Variants in PSD3 observed in about 807,000 individuals in gnomAD.
PSD3 encodes pleckstrin and Sec7 domain containing 3.
A neutral mutation model predicts 105.5 loss-of-function variants in PSD3; 49 were observed. That is an observed-to-expected ratio of 0.46 (90% confidence interval 0.37 to 0.59). The LOEUF (loss-of-function observed/expected upper bound fraction) is 0.59. PSD3 is among the 20% of genes least tolerant of loss of function. The probability of loss-of-function intolerance (pLI) is 0.00; values close to 1 mark genes in which losing one functional copy is unlikely to be tolerated. For missense variants in PSD3, 1,561 were observed against 1,263.8 expected, an observed-to-expected ratio of 1.24 and a Z score of -3.57; for synonymous variants, 557 against 457.8, an observed-to-expected ratio of 1.22 and a Z score of -2.77.
At chr8:18,711,809 C>A (rs969531979) in intron 9 of PSD3, among the ~76,000 whole-genome samples, 1 of 152,116 alleles carries the variant, frequency 6.6e-6, no homozygotes, top group Non-Finnish European at 1.5e-5. Flanking sequence ...CCTTCCACCC[C>A]GAAACAACAG....
intron 1 of PSD3, among the ~76,000 whole-genome samples, chr8:19,044,852 G>T (rs1471108531): frequency 6.6e-6 from 1 of 152,166 alleles, no homozygotes; most frequent in Non-Finnish European, 1.5e-5. Flanking sequence ...GAAGGCTTAA[G>T]CATGTTCCAA....
intron 15 of PSD3, among the ~76,000 whole-genome samples, chr8:18,553,079 C>A (rs1356205300): frequency 6.6e-6 from 1 of 152,092 alleles, no homozygotes; most frequent in Non-Finnish European, 1.5e-5. Flanking sequence ...CTCAAAGCAA[C>A]CTGGGATTTA....
chr8:19,049,292 G>C (rs1828433345), intron 1 of PSD3, among the ~76,000 whole-genome samples: 1 of 152,118 alleles, frequency 6.6e-6, no homozygotes, highest in South Asian at 2.1e-4. Context: ...CATCGTCGTA[G>C]TCCTACACAC....
At chr8:18,795,555 T>A (rs1381148481) in intron 8 of PSD3, among the ~76,000 whole-genome samples, 2 of 152,206 alleles carry the variant, frequency 1.3e-5, no homozygotes, top group Non-Finnish European at 2.9e-5. Flanking sequence ...GACTTGTGTA[T>A]CTCTTGTGAC....
chr8:18,751,207 C>T (rs1204114193), intron 9 of PSD3, among the ~76,000 whole-genome samples: 1 of 152,142 alleles, frequency 6.6e-6, no homozygotes, highest in African/African-American at 2.4e-5. Flanking sequence ...AGCTAAGGCC[C>T]GGCGAGAAAT....
intron 8 of PSD3, among the ~76,000 whole-genome samples, chr8:18,772,627 G>A (rs557871972): frequency 1.2e-4 from 18 of 152,230 alleles, no homozygotes; most frequent in African/African-American, 4.1e-4. Context: ...TCCTGACTCG[G>A]CCTCCCAAGT....
At chr8:18,765,572 A>G (rs1429220405) in intron 8 of PSD3, 34 bp from the exon 9 acceptor site, 2 of 1,446,244 alleles carry the variant, frequency 1.4e-6, no homozygotes, top group Non-Finnish European at 1.9e-6. Context: ...TCACTATGAC[A>G]TTCATGGAAT....
chr8:18,952,285 T>C (rs942277932), intron 1 of PSD3, among the ~76,000 whole-genome samples: 3 of 152,160 alleles, frequency 2.0e-5, no homozygotes, highest in African/African-American at 7.2e-5. Flanking sequence ...TTTACATCCA[T>C]AATTGGAACA....
intron 2 of PSD3, among the ~76,000 whole-genome samples, chr8:18,882,582 T>G (rs1448985834): frequency 6.6e-6 from 1 of 152,160 alleles, no homozygotes; most frequent in Non-Finnish European, 1.5e-5. Flanking sequence ...CTCAGCCTAT[T>G]CTAGAATTCA....
intron 1 of PSD3, among the ~76,000 whole-genome samples, chr8:18,946,436 CCAGG>C (rs2129469727): frequency 6.6e-6 from 1 of 152,146 alleles, no homozygotes; most frequent in South Asian, 2.1e-4. Context: ...AAAAAATCAG[CCAGG>C]CAGAGTGTCA....
intron 1 of PSD3, among the ~76,000 whole-genome samples, chr8:18,974,385 T>C (rs1162799872): frequency 9.8e-5 from 11 of 112,814 alleles, no homozygotes; most frequent in African/African-American, 3.6e-4. Flanking sequence ...TGGGATCTGA[T>C]AGACTTCAAA....
At chr8:18,913,614 C>A (rs115224785) in intron 2 of PSD3, among the ~76,000 whole-genome samples, 1,931 of 152,128 alleles carry the variant, frequency 0.013, 53 homozygotes, top group African/African-American at 0.043. Flanking sequence ...CTGCCACGAA[C>A]CCAGGACCCA....
At position 18,594,180 on chromosome 8, in the gene PSD3, ATATATTATTATATACATATTAT is replaced by A; in HGVS notation, c.2481+6162_2481+6183del. 8.6e-3 allele frequency among the ~76,000 whole-genome samples: 280 copies of A among 32,382 alleles called. 38 individuals carry two copies. The highest frequency in any genetic ancestry group is 0.022 in the African/African-American group (277 of 12,536). 21.2% of individuals were successfully genotyped at this position (32,382 alleles called of 152,430 possible). On this transcript the variant is annotated intron_variant, in intron 12 of 15. Transcript: ENST00000327040. ...TATTATTATATACATATTATATAATATATATTATTATATACATATTATATAATATATATTATTATATATATTA... is the reference window on the plus strand; with the variant it reads ...TATTATTATATACATATTATATAATAATAATATATATTATTATATATATTA...
chr8:18,713,603 C>G (rs192220354), intron 9 of PSD3, among the ~76,000 whole-genome samples: 1 of 151,982 alleles, frequency 6.6e-6, no homozygotes, highest in East Asian at 1.9e-4. Flanking sequence ...TCAAGGAGAA[C>G]GACAAACCTC....
rs369030383 is a variant in PSD3, at chr8:18,872,298, G to T, written c.566C>A (p.Ala189Asp). 25 of 1,614,204 alleles carry T rather than the reference G, an allele frequency of 1.5e-5. No homozygotes were observed. In the African/African-American group the frequency reaches 2.9e-4, roughly 19 times the overall value. Residue 189 changes from alanine (A) to aspartate (D), a missense_variant, in exon 3 of 16, where the codon GCT becomes GAT. Physicochemically the swap from Ala to Asp is moderately radical, Grantham distance 126. Transcript: ENST00000327040. ...KTQRVNKTLPAGQKNLPEIPL... is the reference protein window; with the variant it reads ...KTQRVNKTLPDGQKNLPEIPL... ...TATTTCTGGTAAATTTTTTTGGCCA[G>T]CAGGGAGCGTTTTGTTGACTCTCTG...
intron 2 of PSD3, among the ~76,000 whole-genome samples, chr8:18,882,902 G>A (rs1818209880): frequency 6.6e-6 from 1 of 151,714 alleles, no homozygotes; most frequent in African/African-American, 2.4e-5. Context: ...TATCTGTATA[G>A]TGGAGTATGT....
At chr8:18,536,089 C>CA in intron 15 of PSD3, 131 bp from the exon 16 acceptor site, 1 of 843,204 alleles carries the variant, frequency 1.2e-6, no homozygotes, top group East Asian at 2.6e-5. Context: ...CCCAAACTGA[C>CA]AAATTACTTG....
At chr8:18,819,576 T>A (rs1430891325) in intron 4 of PSD3, among the ~76,000 whole-genome samples, 3 of 41,302 alleles carry the variant, frequency 7.3e-5, no homozygotes, top group African/African-American at 2.4e-4. Context: ...TTAGAATGGA[T>A]TTTTTTTTTT....
intron 1 of PSD3, among the ~76,000 whole-genome samples, chr8:19,026,123 A>T (rs1827541885): frequency 6.6e-6 from 1 of 152,116 alleles, no homozygotes; most frequent in Non-Finnish European, 1.5e-5. Context: ...CAAGGGAAAG[A>T]CCTGCCCCCA....
Sources: gnomAD v4.1 joint callset for allele counts (sites outside exome capture counted in the v4.1 genomes callset) on GRCh38, gnomAD v4.1.1 for gene constraint, MANE v1.5 for transcripts, NCBI Gene and HGNC (gene_info 2026-07-23, HGNC 2026-07-21) for gene names.